DTNA: variants seen among roughly 807,000 people sequenced by gnomAD.
DTNA encodes the protein dystrobrevin alpha.
Under a neutral mutation model 100.7 loss-of-function variants are expected in DTNA, and 43 were observed. The observed-to-expected ratio is 0.43, with a 90% confidence interval of 0.33 to 0.55. DTNA has a LOEUF of 0.55. Ranked by LOEUF, DTNA falls within the 20% of genes least tolerant of loss-of-function variation. DTNA has a pLI of 0.04. For synonymous variants in DTNA, 349 were observed against 347.9 expected (o/e 1.00, Z -0.04); for missense variants, 798 against 953.9 (o/e 0.84, Z 2.15).
At chr18:34,749,133 G>A (rs901159965) in intron 1 of DTNA, among the ~76,000 whole-genome samples, 3 of 152,132 alleles carry the variant, frequency 2.0e-5, no homozygotes, top group Admixed American at 6.6e-5. Context: ...CATTGTTGGT[G>A]TATATCAATG....
chr18:34,867,378 G>C, intron 17 of DTNA: 3 of 1,229,164 alleles, frequency 2.4e-6, no homozygotes, highest in Non-Finnish European at 2.0e-6. Context: ...CTAAATTAAA[G>C]TCAAATTTTA....
At chr18:34,670,095 G>C (rs1483883954) in intron 1 of DTNA, among the ~76,000 whole-genome samples, 2 of 152,124 alleles carry the variant, frequency 1.3e-5, no homozygotes. Context: ...TTTTCACATA[G>C]TCCCATATTT....
intron 1 of DTNA, among the ~76,000 whole-genome samples, chr18:34,580,877 G>T (rs570782183): frequency 3.9e-5 from 6 of 152,286 alleles, no homozygotes; most frequent in Middle Eastern, 3.4e-3. Flanking sequence ...GAGTTAACAG[G>T]CAGGCATGGA....
At chr18:34,790,567 ATTTTTTTTTTTTTTT>A (rs1212453384) in intron 3 of DTNA, among the ~76,000 whole-genome samples, 2,781 of 35,966 alleles carry the variant, frequency 0.077, 27 homozygotes, top group South Asian at 0.16. Flanking sequence ...ATATATATAT[ATTTTTTTTTTTTTTT>A]TTTTTTTGAG....
chr18:34,818,733 C>A (rs974646915), intron 8 of DTNA: 16 of 798,516 alleles, frequency 2.0e-5, no homozygotes, highest in Non-Finnish European at 2.4e-5. Flanking sequence ...TTCTGGAGTT[C>A]TTTTAAGTGC....
chr18:34,868,663 A>T (rs1191808911), intron 17 of DTNA: 1 of 985,326 alleles, frequency 1.0e-6, no homozygotes, highest in Non-Finnish European at 1.2e-6. Context: ...ACTGGCATAT[A>T]TAATTTCTAC....
chr18:34,839,726 C>T (rs916494188), intron 13 of DTNA, among the ~76,000 whole-genome samples: 3 of 152,114 alleles, frequency 2.0e-5, no homozygotes, highest in African/African-American at 7.2e-5. Flanking sequence ...TCCATAGTTA[C>T]AATTATTAAG....
chr18:34,600,978 C>G (rs942464092), intron 1 of DTNA, among the ~76,000 whole-genome samples: 4 of 152,210 alleles, frequency 2.6e-5, no homozygotes, highest in Non-Finnish European at 4.4e-5. Context: ...CACCTAACTT[C>G]AGTTGGATGG....
At chr18:34,532,037 C>G (rs1311487713) in intron 1 of DTNA, among the ~76,000 whole-genome samples, 1 of 152,080 alleles carries the variant, frequency 6.6e-6, no homozygotes, top group East Asian at 1.9e-4. Context: ...AAACAGCATT[C>G]ACAGAGTACC....
chr18:34,811,353 C>G (rs1001535624), intron 5 of DTNA, among the ~76,000 whole-genome samples: 2 of 152,136 alleles, frequency 1.3e-5, no homozygotes, highest in Admixed American at 1.3e-4. Flanking sequence ...GTCAGAAAAC[C>G]CTTCCCTGTA....
chr18:34,845,067 G>T (rs539464909), intron 13 of DTNA, among the ~76,000 whole-genome samples: 1 of 152,280 alleles, frequency 6.6e-6, no homozygotes, highest in African/African-American at 2.4e-5. Context: ...AGCTAGGGCT[G>T]GAGAAAGTGT....
intron 1 of DTNA, among the ~76,000 whole-genome samples, chr18:34,524,180 A>G (rs975532109): frequency 1.3e-5 from 2 of 152,216 alleles, no homozygotes; most frequent in Non-Finnish European, 2.9e-5. Flanking sequence ...AAACACAAAT[A>G]GTGACTTTTG....
chr18:34,618,335 T>C (rs779072435), intron 1 of DTNA, among the ~76,000 whole-genome samples: 6 of 152,202 alleles, frequency 3.9e-5, no homozygotes, highest in Non-Finnish European at 8.8e-5. Context: ...TGAAATCATT[T>C]TGATGATGAA....
At chr18:34,702,617 C>A (rs2081532583) in intron 1 of DTNA, among the ~76,000 whole-genome samples, 1 of 152,172 alleles carries the variant, frequency 6.6e-6, no homozygotes, top group Non-Finnish European at 1.5e-5. Context: ...CTCCCTTGAT[C>A]TAGCCCCTAG....
chr18:34,820,734 A>G, intron 8 of DTNA, 57 bp from the exon 9 acceptor site: 1 of 1,611,490 alleles, frequency 6.2e-7, no homozygotes, highest in Non-Finnish European at 8.5e-7. Context: ...AAATCATTTG[A>G]TAAAATATTA....
intron 1 of DTNA, among the ~76,000 whole-genome samples, chr18:34,741,462 C>T (rs1216617162): frequency 6.6e-6 from 1 of 152,162 alleles, no homozygotes; most frequent in Non-Finnish European, 1.5e-5. Flanking sequence ...TCAGAGCTAA[C>T]TAAATATATT....
At chr18:34,732,444 T>G (rs763912826) in intron 1 of DTNA, among the ~76,000 whole-genome samples, 2 of 152,218 alleles carry the variant, frequency 1.3e-5, no homozygotes, top group African/African-American at 2.4e-5. Flanking sequence ...TCTGCGATCC[T>G]CCTTTACTTA....
chr18:34,836,082 G>T (rs1257802619), intron 11 of DTNA, among the ~76,000 whole-genome samples: 1 of 152,210 alleles, frequency 6.6e-6, no homozygotes, highest in Non-Finnish European at 1.5e-5. Context: ...TTGGGCAGCA[G>T]GGGTACTGTA....
rs1568462894 is a variant in DTNA, at chr18:34,769,753, C to CTTTTTTT, written c.148+3713_148+3714insTTTTTTT. On this transcript the variant is annotated intron_variant, in intron 3 of 22. Coordinates refer to ENST00000444659, the MANE Select transcript of DTNA (RefSeq NM_001386795.1). ...TTTTTTTTTTTTTGACAGAGTTTCA[C>CTTTTTTT]TCTTTTTTCCCAGGCTGGAGTGCAA... Among the ~76,000 whole-genome samples the CTTTTTTT allele has an allele frequency of 7.3e-4, 24 of 33,098 alleles. No individual in the cohort carries two copies. The East Asian group carries it at 7.8e-3, about 11-fold the overall frequency. 21.7% of individuals were successfully genotyped at this position (33,098 alleles called of 152,430 possible).
Sources: gnomAD v4.1 joint callset for allele counts (sites outside exome capture counted in the v4.1 genomes callset) on GRCh38, gnomAD v4.1.1 for gene constraint, MANE v1.5 for transcripts, NCBI Gene and HGNC (gene_info 2026-07-23, HGNC 2026-07-21) for gene names.